Variants in JAM3 observed in about 807,000 individuals in gnomAD.
The protein encoded by JAM3 is junctional adhesion molecule 3.
Under a neutral mutation model 39.4 loss-of-function variants are expected in JAM3, and 31 were observed. The ratio of observed to expected loss-of-function variants is 0.79; its 90% CI spans 0.59 to 1.06. The LOEUF is 1.06. Among genes scored for constraint, JAM3 ranks in the 50% least tolerant of loss-of-function variants. JAM3 has a pLI of 0.00. For missense variants in JAM3, 455 were observed against 391.4 expected (o/e 1.16, Z -1.37); for synonymous variants, 182 against 148.7 (o/e 1.22, Z -1.63).
chr11:134,138,253 C>T (rs1443211543), intron 1 of JAM3, among the ~76,000 whole-genome samples: 1 of 100,038 alleles, frequency 1.0e-5, no homozygotes, highest in Non-Finnish European at 2.1e-5. Context: ...GGCGTCTCGT[C>T]GAAGTCGTGG....
intron 1 of JAM3, among the ~76,000 whole-genome samples, chr11:134,103,368 A>C (rs1942115051): frequency 6.6e-6 from 1 of 152,220 alleles, no homozygotes; most frequent in Non-Finnish European, 1.5e-5. Context: ...GGAAGCACTA[A>C]ACATGGAAAG....
At chr11:134,081,946 G>A (rs968106199) in intron 1 of JAM3, among the ~76,000 whole-genome samples, 8 of 152,374 alleles carry the variant, frequency 5.3e-5, no homozygotes, top group African/African-American at 1.7e-4. Flanking sequence ...TCTTTTATCA[G>A]TGTGACCTGG....
At chr11:134,114,274 C>T (rs375336099) in intron 1 of JAM3, among the ~76,000 whole-genome samples, 1 of 152,164 alleles carries the variant, frequency 6.6e-6, no homozygotes, top group Admixed American at 6.5e-5. Context: ...TTGCCCATGC[C>T]TATGTCCTGA....
At chr11:134,071,741 C>G (rs75604138) in intron 1 of JAM3, among the ~76,000 whole-genome samples, 10,220 of 152,102 alleles carry the variant, frequency 0.067, 386 homozygotes, top group African/African-American at 0.085. Flanking sequence ...TGTTTGGACT[C>G]CAGTAACGTT....
chr11:134,084,617 A>C (rs1941718267), intron 1 of JAM3, among the ~76,000 whole-genome samples: 1 of 152,176 alleles, frequency 6.6e-6, no homozygotes, highest in African/African-American at 2.4e-5. Flanking sequence ...ATTTGCTGTT[A>C]CTAACTGTGC....
chr11:134,146,123 A>T, intron 6 of JAM3, 78 bp downstream of exon 6: 1 of 1,003,574 alleles, frequency 1.0e-6, no homozygotes, highest in Admixed American at 1.9e-5. Context: ...TTATACCATC[A>T]GCTTAGAGAA....
intron 1 of JAM3, among the ~76,000 whole-genome samples, chr11:134,114,719 G>T (rs1029208265): frequency 1.3e-5 from 2 of 152,140 alleles, no homozygotes; most frequent in African/African-American, 4.8e-5. Flanking sequence ...AACTTTGTAT[G>T]ACTTGAATCT....
intron 1 of JAM3, among the ~76,000 whole-genome samples, chr11:134,107,173 T>C (rs1448236340): frequency 6.6e-6 from 1 of 152,192 alleles, no homozygotes; most frequent in Non-Finnish European, 1.5e-5. Context: ...TGAGTTCATG[T>C]CCTTTGTCGG....
At chr11:134,117,619 A>G (rs934682201) in intron 1 of JAM3, among the ~76,000 whole-genome samples, 1 of 152,170 alleles carries the variant, frequency 6.6e-6, no homozygotes, top group Non-Finnish European at 1.5e-5. Flanking sequence ...TTCCTTTAAC[A>G]TGTTAAACCT....
chr11:134,136,479 C>T (rs1417829502), intron 1 of JAM3, among the ~76,000 whole-genome samples: 1 of 152,178 alleles, frequency 6.6e-6, no homozygotes, highest in African/African-American at 2.4e-5. Flanking sequence ...AAAGTGGCAC[C>T]TTGGTCTGTT....
intron 1 of JAM3, among the ~76,000 whole-genome samples, chr11:134,137,504 G>A (rs1230254683): frequency 6.6e-6 from 1 of 152,234 alleles, no homozygotes; most frequent in East Asian, 1.9e-4. Flanking sequence ...GGTGAGCAGT[G>A]CTCTCATGAC....
intron 1 of JAM3, among the ~76,000 whole-genome samples, chr11:134,117,058 ACTT>A (rs1942448348): frequency 6.6e-6 from 1 of 151,716 alleles, no homozygotes; most frequent in Non-Finnish European, 1.5e-5. Context: ...TGAAAAAGAA[ACTT>A]AAAAAAAAAA....
chr11:134,144,644 G>A, intron 4 of JAM3, 148 bp from the exon 5 acceptor site: 1 of 843,480 alleles, frequency 1.2e-6, no homozygotes, highest in Non-Finnish European at 2.0e-6. Flanking sequence ...GCGGTGGCTT[G>A]TCAGTCTGCA....
chr11:134,134,410 A>AAAAAC (rs1250815456), intron 1 of JAM3, among the ~76,000 whole-genome samples: 2 of 151,140 alleles, frequency 1.3e-5, no homozygotes, highest in Admixed American at 1.3e-4. Context: ...AAAAAAAAAA[A>AAAAAC]AAAAAAAAAA....
chr11:134,091,222 G>A (rs1397520166), intron 1 of JAM3, among the ~76,000 whole-genome samples: 1 of 152,132 alleles, frequency 6.6e-6, no homozygotes, highest in Non-Finnish European at 1.5e-5. Flanking sequence ...AGGGCTGGGC[G>A]TGGTGGCTCA....
intron 1 of JAM3, among the ~76,000 whole-genome samples, chr11:134,092,517 C>T: frequency 6.8e-6 from 1 of 147,164 alleles, no homozygotes; most frequent in Non-Finnish European, 1.5e-5. Context: ...TCTCCTGAGC[C>T]CTCTTTATTC....
intron 1 of JAM3, among the ~76,000 whole-genome samples, chr11:134,125,873 C>T (rs766813575): frequency 1.3e-5 from 2 of 152,192 alleles, no homozygotes; most frequent in Non-Finnish European, 2.9e-5. Context: ...GTTGACAGGC[C>T]TCTTCAGAAA....
At chr11:134,099,128 G>T (rs1280044522) in intron 1 of JAM3, among the ~76,000 whole-genome samples, 1 of 152,100 alleles carries the variant, frequency 6.6e-6, no homozygotes, top group Non-Finnish European at 1.5e-5. Flanking sequence ...CTGAGCCTGG[G>T]GTTTCGAGGC....
Position 134,149,189 on chromosome 11 carries a change from G to C in JAM3, c.*8G>C, listed in dbSNP as rs373880962. The C allele has an allele frequency of 1.9e-6, 3 of 1,613,984 alleles. No homozygotes were observed. Among genetic ancestry groups the C allele is most frequent in the Non-Finnish European group, 2.5e-6 (3 of 1,179,870 alleles). ...TCATCGTTTGTGATCTGAGACCCGC[G>C]GTGTGGCTGAGAGCGCACAGAGCGC... On this transcript the variant is annotated 3_prime_UTR_variant, in exon 9 of 9. Coordinates refer to ENST00000299106, the MANE Select transcript of JAM3 (RefSeq NM_032801.5).
Sources: allele counts gnomAD v4.1 joint callset (sites outside exome capture counted in the v4.1 genomes callset), GRCh38; gene constraint gnomAD v4.1.1; transcripts MANE v1.5; gene names NCBI Gene and HGNC (gene_info 2026-07-23, HGNC 2026-07-21).